The following ARK2N variants were observed in gnomAD, a reference collection of about 807,000 sequenced individuals.
The protein encoded by ARK2N is protein ARK2N.
At chr18:46,211,028 C>G in the ARK2N span, among the ~76,000 whole-genome samples, 1 of 151,886 alleles carries the variant, frequency 6.6e-6, no homozygotes, top group Non-Finnish European at 1.5e-5. Flanking sequence ...AAGGACTAAC[C>G]AGAAGAATAG....
chr18:46,173,775 C>T, the ARK2N span: 3 of 152,460 alleles, frequency 2.0e-5, no homozygotes, highest in African/African-American at 7.2e-5. Flanking sequence ...TTGTCCTTGG[C>T]TTGCATTGAG....
chr18:46,212,886 A>G, the ARK2N span, among the ~76,000 whole-genome samples: 1 of 151,820 alleles, frequency 6.6e-6, no homozygotes, highest in Non-Finnish European at 1.5e-5. Flanking sequence ...GAAAATATCC[A>G]GTGCTGCCTT....
chr18:46,209,771 T>C, the ARK2N span, among the ~76,000 whole-genome samples: 2 of 152,078 alleles, frequency 1.3e-5, no homozygotes, highest in Non-Finnish European at 2.9e-5. Flanking sequence ...AATTTTTGTA[T>C]TTTTAGTAGA....
the ARK2N span, among the ~76,000 whole-genome samples, chr18:46,258,689 G>A: frequency 5.9e-5 from 9 of 152,112 alleles, no homozygotes. Flanking sequence ...GCCTGTATCT[G>A]CACTAATACA....
the ARK2N span, chr18:46,263,505 T>C: frequency 0.011 from 1,910 of 175,182 alleles, 47 homozygotes; most frequent in African/African-American, 0.043. Context: ...AATTAATATC[T>C]AGACTTGACC....
chr18:46,260,954 G>GTAT, the ARK2N span, among the ~76,000 whole-genome samples: 2 of 152,142 alleles, frequency 1.3e-5, no homozygotes, highest in Non-Finnish European at 2.9e-5. Context: ...ACGTTACATT[G>GTAT]TATGATTACT....
At chr18:46,207,086 G>C in the ARK2N span, among the ~76,000 whole-genome samples, 1 of 152,046 alleles carries the variant, frequency 6.6e-6, no homozygotes, top group African/African-American at 2.4e-5. Flanking sequence ...AATTCTTACT[G>C]ATTTCAGTGT....
the ARK2N span, among the ~76,000 whole-genome samples, chr18:46,177,753 T>A: frequency 2.6e-5 from 4 of 151,974 alleles, no homozygotes; most frequent in African/African-American, 9.7e-5. Flanking sequence ...ATAAAAAATT[T>A]AAAAACTTAG....
the ARK2N span, chr18:46,216,510 C>T: frequency 6.2e-7 from 1 of 1,614,132 alleles, no homozygotes; most frequent in Non-Finnish European, 8.5e-7. This position sits in a 1 kb window ranked among gnomAD's most constrained non-coding sequence, Gnocchi z 4.3. Context: ...GTGATAGTGA[C>T]CTGACTTGTG....
chr18:46,218,353 G>A, the ARK2N span: 3 of 152,102 alleles, frequency 2.0e-5, no homozygotes, highest in African/African-American at 7.2e-5. Context: ...TCTATAGTTT[G>A]GTTTCTATTG....
chr18:46,264,614 G>A, the ARK2N span: 1 of 152,684 alleles, frequency 6.5e-6, no homozygotes. Context: ...ATAAGGCACT[G>A]TGAGGGGTGG....
the ARK2N span, among the ~76,000 whole-genome samples, chr18:46,212,990 ATTTTTTTTTTTTTTTT>A: frequency 8.7e-5 from 7 of 80,498 alleles, no homozygotes; most frequent in Non-Finnish European, 1.2e-4. Flanking sequence ...TTTAAGAAGA[ATTTTTTTTTTTTTTTT>A]TTTTTTTTTT....
chr18:46,209,291 T>C, the ARK2N span, among the ~76,000 whole-genome samples: 3 of 28,970 alleles, frequency 1.0e-4, no homozygotes, highest in Admixed American at 3.8e-4. Context: ...ACTTCTCCAC[T>C]TTTTTTTTTT....
At chr18:46,240,870 A>G in the ARK2N span, among the ~76,000 whole-genome samples, 4 of 152,194 alleles carry the variant, frequency 2.6e-5, no homozygotes, top group Non-Finnish European at 5.9e-5. Context: ...TTTCTTCAAA[A>G]GTTTCTTTCA....
chr18:46,195,802 C>T, the ARK2N span, among the ~76,000 whole-genome samples: 1 of 151,952 alleles, frequency 6.6e-6, no homozygotes, highest in African/African-American at 2.4e-5. Context: ...TCTCGAACTC[C>T]TGACCTCAAG....
chr18:46,187,069 G>T, the ARK2N span, among the ~76,000 whole-genome samples: 11 of 146,866 alleles, frequency 7.5e-5, no homozygotes, highest in Admixed American at 6.9e-4. Context: ...GGTCAGACTG[G>T]TCTCGAACTC....
chr18:46,245,231 C>T, the ARK2N span, among the ~76,000 whole-genome samples: 1 of 151,938 alleles, frequency 6.6e-6, no homozygotes, highest in East Asian at 1.9e-4. Flanking sequence ...CATGTCCAGC[C>T]CTCTTCCTTC....
chr18:46,176,694 C>T, the ARK2N span, among the ~76,000 whole-genome samples: 2 of 151,966 alleles, frequency 1.3e-5, no homozygotes, highest in South Asian at 2.1e-4. Flanking sequence ...CTCCACTCAC[C>T]GCAACCTCCA....
the ARK2N span, among the ~76,000 whole-genome samples, chr18:46,237,009 C>T: frequency 1.3e-5 from 2 of 151,634 alleles, no homozygotes; most frequent in African/African-American, 2.4e-5. Context: ...ATTACAGGCA[C>T]GCACCACCAC....
Sources: allele counts gnomAD v4.1 joint callset (sites outside exome capture counted in the v4.1 genomes callset), GRCh38; gene constraint gnomAD v4.1.1; non-coding constraint Gnocchi (gnomAD v3.1); transcripts MANE v1.5; gene names NCBI Gene and HGNC (gene_info 2026-07-23, HGNC 2026-07-21).